The following GRM7 variants were observed in gnomAD, a reference collection of about 807,000 sequenced individuals.
The protein encoded by GRM7 is glutamate metabotropic receptor 7.
Under a neutral mutation model 84.5 loss-of-function variants are expected in GRM7, and 35 were observed. The observed-to-expected ratio is 0.41, with a 90% CI of 0.32 to 0.55. GRM7 has a LOEUF of 0.55. Ranked by LOEUF, GRM7 falls within the 20% of genes least tolerant of loss-of-function variation. The pLI is 0.19. For missense variants in GRM7, 1,003 were observed against 1,194.6 expected (o/e 0.84, Z 2.36); for synonymous variants, 487 against 455.1 (o/e 1.07, Z -0.89).
chr3:6,902,606 T>A (rs534746958), intron 1 of GRM7, among the ~76,000 whole-genome samples: 5 of 152,276 alleles, frequency 3.3e-5, no homozygotes, highest in South Asian at 4.1e-4. Flanking sequence ...TAATTACAAA[T>A]GCTTCTAAGA....
At chr3:7,248,468 T>C (rs1410420699) in intron 2 of GRM7, among the ~76,000 whole-genome samples, 7 of 152,192 alleles carry the variant, frequency 4.6e-5, no homozygotes, top group Admixed American at 4.6e-4. Context: ...AGGGGTGGGT[T>C]AACTAAGAAA....
chr3:7,392,203 C>G (rs138945616), intron 4 of GRM7, among the ~76,000 whole-genome samples: 1 of 152,166 alleles, frequency 6.6e-6, no homozygotes, highest in Non-Finnish European at 1.5e-5. Context: ...AGGGAGCAGA[C>G]TAGAACACTG....
intron 1 of GRM7, among the ~76,000 whole-genome samples, chr3:6,991,562 G>C (rs1694636042): frequency 6.6e-6 from 1 of 152,166 alleles, no homozygotes; most frequent in Non-Finnish European, 1.5e-5. Context: ...AACAAGATTT[G>C]AGAAAGAAGA....
intron 8 of GRM7, among the ~76,000 whole-genome samples, chr3:7,609,625 A>G (rs1434385001): frequency 6.6e-6 from 1 of 152,110 alleles, no homozygotes; most frequent in African/African-American, 2.4e-5. Context: ...CTGTTCTATG[A>G]GATATAAATG....
intron 1 of GRM7, among the ~76,000 whole-genome samples, chr3:7,040,515 G>A (rs1696559902): frequency 6.6e-6 from 1 of 151,906 alleles, no homozygotes; most frequent in South Asian, 2.1e-4. Flanking sequence ...GTGTTAGCCA[G>A]GATGGTCTCG....
intron 2 of GRM7, among the ~76,000 whole-genome samples, chr3:7,172,678 ATTTG>A (rs1695024562): frequency 1.3e-5 from 2 of 151,996 alleles, no homozygotes; most frequent in Admixed American, 6.6e-5. Context: ...ATTTTTGAGT[ATTTG>A]TTGGCAAGAT....
At chr3:7,409,583 GTTT>G (rs1695829786) in intron 4 of GRM7, among the ~76,000 whole-genome samples, 2 of 34,866 alleles carry the variant, frequency 5.7e-5, no homozygotes, top group South Asian at 8.2e-4. Flanking sequence ...TGTTTGTTTT[GTTT>G]TGTTTTGTTT....
rs1351842533 is a variant in GRM7 at position 7,442,027 on chromosome 3, T to G, written c.1175-10580T>G. Among the ~76,000 whole-genome samples, 4 of 152,144 alleles carry G rather than the reference T, an allele frequency of 2.6e-5. No homozygotes were observed. The East Asian group carries it at 7.7e-4, about 29-fold the overall frequency. On this transcript the variant is annotated intron_variant, in intron 5 of 9. Coordinates refer to ENST00000357716, the MANE Select transcript of GRM7 (RefSeq NM_000844.4). ...TTTCTAATTCTGTGAAGAATGTAGTTGGTAGTTGGGTAGAAATAGCATTTA... is the reference window on the plus strand; with the variant it reads ...TTTCTAATTCTGTGAAGAATGTAGTGGGTAGTTGGGTAGAAATAGCATTTA...
chr3:7,119,369 G>C (rs769918216), intron 1 of GRM7, among the ~76,000 whole-genome samples: 12 of 152,096 alleles, frequency 7.9e-5, no homozygotes, highest in Admixed American at 5.9e-4. Flanking sequence ...TTGTATACGT[G>C]CTGGGTATCA....
At chr3:7,110,609 A>G (rs1559447777) in intron 1 of GRM7, among the ~76,000 whole-genome samples, 1 of 145,452 alleles carries the variant, frequency 6.9e-6, no homozygotes, top group African/African-American at 2.5e-5. Flanking sequence ...ACACACACAC[A>G]CACGCACACA....
At chr3:7,365,645 G>GTATATATATATATATATATATATATA (rs201115893) in intron 4 of GRM7, among the ~76,000 whole-genome samples, 4 of 123,870 alleles carry the variant, frequency 3.2e-5, no homozygotes, top group African/African-American at 1.0e-4. Flanking sequence ...GTGTGCGTGT[G>GTATATATATATATATATATATATATA]TGTATATATA....
At chr3:7,231,742 G>C (rs1269356094) in intron 2 of GRM7, among the ~76,000 whole-genome samples, 1 of 152,216 alleles carries the variant, frequency 6.6e-6, no homozygotes, top group Admixed American at 6.5e-5. Context: ...AAGGCATTTA[G>C]TGTTTAGGTG....
At chr3:7,243,808 T>C (rs1697654532) in intron 2 of GRM7, among the ~76,000 whole-genome samples, 1 of 152,160 alleles carries the variant, frequency 6.6e-6, no homozygotes, top group African/African-American at 2.4e-5. Flanking sequence ...CTATATGGTA[T>C]AGCCCATTCC....
intron 1 of GRM7, among the ~76,000 whole-genome samples, chr3:7,112,382 G>C (rs1035343040): frequency 6.6e-5 from 10 of 151,856 alleles, no homozygotes; most frequent in South Asian, 4.1e-4. Flanking sequence ...GTGCTACCAT[G>C]CTTCTTTAAT....
chr3:7,647,386 A>G (rs1281243855), intron 8 of GRM7, among the ~76,000 whole-genome samples: 1 of 152,158 alleles, frequency 6.6e-6, no homozygotes, highest in Non-Finnish European at 1.5e-5. Context: ...TACCTTGACC[A>G]ACTAACTCAA....
At chr3:7,034,259 C>G (rs1240394385) in intron 1 of GRM7, among the ~76,000 whole-genome samples, 1 of 151,872 alleles carries the variant, frequency 6.6e-6, no homozygotes, top group Non-Finnish European at 1.5e-5. Flanking sequence ...CTGATCTCAT[C>G]CCCAGAAGTT....
intron 1 of GRM7, among the ~76,000 whole-genome samples, chr3:6,997,190 A>G (rs545014741): frequency 2.6e-5 from 4 of 152,116 alleles, no homozygotes; most frequent in African/African-American, 9.7e-5. Flanking sequence ...TATTAGCTAC[A>G]TTCAATAATT....
intron 2 of GRM7, among the ~76,000 whole-genome samples, chr3:7,273,795 T>A (rs1386087284): frequency 6.6e-6 from 1 of 151,896 alleles, no homozygotes; most frequent in Non-Finnish European, 1.5e-5. Flanking sequence ...TATAGTTGAA[T>A]CTTGTTTTTG....
At chr3:7,167,735 C>T (rs578220181) in intron 2 of GRM7, among the ~76,000 whole-genome samples, 100 of 151,886 alleles carry the variant, frequency 6.6e-4, no homozygotes, top group African/African-American at 2.0e-3. Flanking sequence ...TTTGGGAGGC[C>T]GAGGCGGGCG....
Sources: gnomAD v4.1 joint callset for allele counts (sites outside exome capture counted in the v4.1 genomes callset) on GRCh38, gnomAD v4.1.1 for gene constraint, MANE v1.5 for transcripts, NCBI Gene and HGNC (gene_info 2026-07-23, HGNC 2026-07-21) for gene names.